Variants in TSPOAP1 observed in about 807,000 individuals in gnomAD.
The protein encoded by TSPOAP1 is TSPO associated protein 1.
Under a neutral mutation model 197.0 loss-of-function variants are expected in TSPOAP1, and 87 were observed. That is an observed-to-expected ratio of 0.44 (90% CI 0.37 to 0.53). The LOEUF (loss-of-function observed/expected upper bound fraction) is 0.53, where lower values mean the gene tolerates loss of function less well. TSPOAP1 is among the 20% of genes least tolerant of loss of function. The pLI, the probability that TSPOAP1 is intolerant of heterozygous loss-of-function variation, is 0.00. For synonymous variants in TSPOAP1, 913 were observed against 998.9 expected, an observed-to-expected ratio of 0.91 and a Z score of 1.62; for missense variants, 2,174 against 2,411.3, an observed-to-expected ratio of 0.90 and a Z score of 2.06.
Position 58,310,898 on chromosome 17 carries a change from C to A in TSPOAP1, c.3397G>T (p.Ala1133Ser), listed in dbSNP as rs767573882. The change falls in exon 19 of 32, where the codon GCA becomes TCA. Residue 1133 changes from alanine (A) to serine (S), a missense_variant. Around this residue, in one of 5 missense-constraint regions of TSPOAP1, gnomAD observed 1,933 missense variants for 2,139.0 expected, o/e 0.90. Coordinates refer to ENST00000343736, the MANE Select transcript of TSPOAP1 (RefSeq NM_004758.4). Reference sequence around the variant, plus strand: ...TTTGCCATCTCTCTGGAAGGGCTTGCAGGGGGTGCTCCTGGAGGCTCTTGA... The same window carrying A: ...TTTGCCATCTCTCTGGAAGGGCTTGAAGGGGGTGCTCCTGGAGGCTCTTGA... ...GTQEPPGAPPASPSREMAKGS... is the reference protein window; with the variant it reads ...GTQEPPGAPPSSPSREMAKGS... 6.5e-7 allele frequency: 1 copy of A among 1,544,674 alleles called. No individual in the cohort carries two copies. Among genetic ancestry groups the A allele is most frequent in the Admixed American group, 2.1e-5 (1 of 46,876 alleles).
Position 58,316,433 on chromosome 17 carries a change from T to C in TSPOAP1, c.1980A>G (p.Ala660=), listed in dbSNP as rs760526669. 18 of 1,612,818 alleles carry C rather than the reference T, an allele frequency of 1.1e-5. No homozygotes were observed. In the South Asian group the frequency reaches 1.5e-4, roughly 14 times the overall value. ...GAGGGTGAGGGACCCACCTATAACG[T>C]GCTAGGAAGACCTGGATCCTGGCTC... ...RGGARIQVFL[A]RYSYNPFEGP... is the part of the protein sequence containing the mutation. The change falls in exon 15 of 32, where the codon GCA becomes GCG. Residue 660 remains alanine, a synonymous_variant. Transcript: ENST00000343736.
rs562146059 is a variant in TSPOAP1 at position 58,319,247 on chromosome 17, C to A, written c.1542G>T (p.Gln514His). The A allele has an allele frequency of 6.2e-5, 99 of 1,599,362 alleles. 1 individual carries two copies. In the South Asian group the frequency reaches 1.1e-3, roughly 17 times the overall value. The change falls in exon 13 of 32, where the codon CAG becomes CAT. Residue 514 changes from glutamine to histidine, a missense_variant. Coordinates refer to ENST00000343736, the MANE Select transcript of TSPOAP1 (RefSeq NM_004758.4). The stretch of plus-strand genomic sequence containing the variant: ...GGAGTTCCTGTGCCAGGAGGCTGAA[C>A]TGCTCGGTTTGGCTGCGGCACTGTT... ...LEEQCRSQTE[Q>H]FSLLAQELQA...
Position 58,328,352 on chromosome 17 carries a change from G to C in TSPOAP1, c.-432C>G, listed in dbSNP as rs926452259. On this transcript the variant is annotated 5_prime_UTR_variant, in exon 1 of 32. Coordinates refer to ENST00000343736, the MANE Select transcript of TSPOAP1 (RefSeq NM_004758.4). This position sits in a 1 kb window ranked among gnomAD's most constrained non-coding sequence, Gnocchi z 4.3. The stretch of plus-strand genomic sequence containing the variant: ...GAGGGGGGTGGTGCTGTGTGTCACT[G>C]TCTGCCCATTTCAGAGTTGCCAGTT... 2 of 218,660 alleles carry C rather than the reference G, an allele frequency of 9.1e-6. No homozygotes were observed. Among genetic ancestry groups the C allele is most frequent in the African/African-American group, 4.5e-5 (2 of 44,128 alleles). 13.5% of individuals were successfully genotyped at this position (218,660 alleles called of 1,614,324 possible).
At chr17:58,325,825 C>T (rs1295811867) in intron 3 of TSPOAP1, 112 bp from the exon 4 acceptor site, 1 of 1,149,864 alleles carries the variant, frequency 8.7e-7, no homozygotes, top group Admixed American at 2.6e-5. Flanking sequence ...GGGTAGCCAC[C>T]TGCTTCCACC....
In TSPOAP1 at chr17:58,307,892, C is replaced by A. The variant is rs1286709045; in HGVS notation, c.4781G>T (p.Gly1594Val). ...GACTCGGACACCTCTCTTCTGGGGGCCCCTCCGCCCAGAGCCGTCCTGCCC... is the reference window on the plus strand; with the variant it reads ...GACTCGGACACCTCTCTTCTGGGGGACCCTCCGCCCAGAGCCGTCCTGCCC... ...ARGQDGSGRR[G>V]PQKRGVRVLR... The change falls in exon 23 of 32, where the codon GGC becomes GTC. Residue 1594 changes from glycine (G) to valine (V), a missense_variant. Physicochemically the swap from Gly to Val is moderately radical, Grantham distance 109. Transcript: ENST00000343736. 1 of 1,613,508 alleles carries A rather than the reference C, an allele frequency of 6.2e-7. No individual in the cohort carries two copies. The highest frequency in any genetic ancestry group is 1.3e-5 in the African/African-American group (1 of 75,056).
At chr17:58,319,493 G>A (rs1971336416) in intron 12 of TSPOAP1, among the ~76,000 whole-genome samples, 199 bp from the exon 13 acceptor site, 1 of 152,166 alleles carries the variant, frequency 6.6e-6, no homozygotes, top group South Asian at 2.1e-4. Context: ...CTGTGTCCTG[G>A]GACATCTTCA....
chr17:58,309,243 C>G lies in TSPOAP1; in HGVS notation c.4029G>C (p.Glu1343Asp). ...PEEEEEEEED[E>D]EEEKSGAGCS... Reference sequence around the variant, plus strand: ...AGCCTGCCCCTGACTTCTCCTCCTCCTCGTCCTCCTCTTCCTCTTCCTCCT... The same window carrying G: ...AGCCTGCCCCTGACTTCTCCTCCTCGTCGTCCTCCTCTTCCTCTTCCTCCT... The change falls in exon 22 of 32, where the codon GAG (glutamate) becomes GAC (aspartate). Residue 1343 changes from glutamate (E) to aspartate (D), a missense_variant. By Grantham distance (45) the Glu-to-Asp change is conservative. Transcript: ENST00000343736. This position sits in a 1 kb window ranked among gnomAD's most constrained non-coding sequence, Gnocchi z 5.0. 6.2e-7 allele frequency: 1 copy of G among 1,613,878 alleles called. No individual in the cohort carries two copies. Among genetic ancestry groups the G allele is most frequent in the Non-Finnish European group, 8.5e-7 (1 of 1,179,922 alleles).
chr17:58,317,479 C>T (rs931178980), intron 14 of TSPOAP1, among the ~76,000 whole-genome samples: 2 of 152,220 alleles, frequency 1.3e-5, no homozygotes, highest in African/African-American at 4.8e-5. Flanking sequence ...GCTGTCTTCT[C>T]TTCTCTGCCA....
chr17:58,312,204 A>T lies in TSPOAP1; in HGVS notation c.2617T>A (p.Cys873Ser). The change falls in exon 17 of 32, where the codon TGT (cysteine) becomes AGT (serine). Residue 873 changes from cysteine (C) to serine (S), a missense_variant. Cys to Ser is a moderately radical substitution (Grantham distance 112). Coordinates refer to ENST00000343736, the MANE Select transcript of TSPOAP1 (RefSeq NM_004758.4). ...TSRGSSDPLR[C>S]CLAVGARAGV... ...GCCCGGGCACCCACCGCCAAGCAAC[A>T]GCGCAGTGGGTCAGAGCTGCCCCGG... 3.1e-6 allele frequency: 5 copies of T among 1,612,922 alleles called. No individual in the cohort carries two copies. Among genetic ancestry groups the T allele is most frequent in the Non-Finnish European group, 4.2e-6 (5 of 1,179,926 alleles).
chr17:58,309,956 T>C lies in TSPOAP1; in HGVS notation c.3891+11A>G. 6.2e-7 allele frequency: 1 copy of C among 1,603,896 alleles called. No individual in the cohort carries two copies. The highest frequency in any genetic ancestry group is 8.5e-7 in the Non-Finnish European group (1 of 1,174,582). On this transcript the variant is annotated intron_variant, in intron 21 of 31. Coordinates refer to ENST00000343736, the MANE Select transcript of TSPOAP1 (RefSeq NM_004758.4). This position sits in a 1 kb window ranked among gnomAD's most constrained non-coding sequence, Gnocchi z 5.0. ...GGCCTGGGGCCCAACAGCCCATCCC[T>C]ACCCCGTTACCTTGGCCCCATTCTC...
chr17:58,322,824 A>C lies in TSPOAP1; in HGVS notation c.1195-48T>G. The C allele has an allele frequency of 6.2e-7, 1 of 1,608,742 alleles. No homozygotes were observed. Among genetic ancestry groups the C allele is most frequent in the Middle Eastern group, 1.7e-4 (1 of 5,980 alleles). On this transcript the variant is annotated intron_variant, in intron 8 of 31. Transcript: ENST00000343736. The surrounding 1 kb of genome is among the most constrained non-coding windows in gnomAD (Gnocchi z 5.0). ...GAGTTGGGTGGGTGAGCCTTGACCC[A>C]CCAGCACCCTCACAGGGGGAACAGT... is the stretch of plus-strand genomic sequence containing the variant.
rs1971539659 is a variant in TSPOAP1, at chr17:58,325,141, C to T, written c.751-139G>A. 3.9e-6 allele frequency: 3 copies of T among 776,734 alleles called. No homozygotes were observed. The East Asian group carries it at 8.2e-5, about 21-fold the overall frequency. 48.1% of individuals were successfully genotyped at this position (776,734 alleles called of 1,614,324 possible). On this transcript the variant is annotated intron_variant, in intron 4 of 31. Transcript: ENST00000343736. Reference sequence around the variant, plus strand: ...TGCACACCCTCCCATGGGTACATGCCTGGTTACATGTGCATGCGTATGTGG... The same window carrying T: ...TGCACACCCTCCCATGGGTACATGCTTGGTTACATGTGCATGCGTATGTGG...
chr17:58,318,194 G>C, intron 14 of TSPOAP1, 86 bp downstream of exon 14: 3 of 1,478,686 alleles, frequency 2.0e-6, no homozygotes, highest in African/African-American at 1.4e-5. Context: ...CCCAACTCCT[G>C]GGGACCCCAG....
chr17:58,323,397 C>A lies in TSPOAP1; in HGVS notation c.1021-16G>T, dbSNP rs1286936816. 1 of 1,614,124 alleles carries A rather than the reference C, an allele frequency of 6.2e-7. No homozygotes were observed. The highest frequency in any genetic ancestry group is 8.5e-7 in the Non-Finnish European group (1 of 1,180,042). ...GCTCCGATTCCTGAGGGGTCAGAACCAAGTGCTCCTCATGAGGGAAGGTAC... is the reference window on the plus strand; with the variant it reads ...GCTCCGATTCCTGAGGGGTCAGAACAAAGTGCTCCTCATGAGGGAAGGTAC... On this transcript the variant is annotated splice_polypyrimidine_tract_variant and intron_variant, in intron 6 of 31. Coordinates refer to ENST00000343736, the MANE Select transcript of TSPOAP1 (RefSeq NM_004758.4).
At chr17:58,312,824 T>C in intron 16 of TSPOAP1, 102 bp from the exon 17 acceptor site, 2 of 813,900 alleles carry the variant, frequency 2.5e-6, no homozygotes, top group Non-Finnish European at 3.8e-6. Flanking sequence ...TAGTGGGTGA[T>C]CTTCAGCATT....
In TSPOAP1 at chr17:58,312,730, G is replaced by T. The variant is rs576979000; in HGVS notation, c.2099-8C>A. ...GGCCATCCATGAGCTCTCCTGGCAG[G>T]AGGAGGACAGGAAGGGGCAGGGCAG... On this transcript the variant is annotated splice_region_variant and splice_polypyrimidine_tract_variant and intron_variant, in intron 16 of 31. Coordinates refer to ENST00000343736, the MANE Select transcript of TSPOAP1 (RefSeq NM_004758.4). 1.9e-6 allele frequency: 3 copies of T among 1,610,548 alleles called. No individual in the cohort carries two copies. In the African/African-American group the frequency reaches 4.0e-5, roughly 21 times the overall value.
intron 23 of TSPOAP1, 35 bp downstream of exon 23, chr17:58,307,807 G>T (rs772702086): frequency 6.8e-6 from 11 of 1,613,484 alleles, no homozygotes; most frequent in Admixed American, 1.7e-5. Flanking sequence ...AGCTCTGGCC[G>T]AGCAGCTCTA....
intron 25 of TSPOAP1, 178 bp from the exon 26 acceptor site, chr17:58,306,591 T>C: frequency 1.1e-6 from 1 of 895,038 alleles, no homozygotes; most frequent in Non-Finnish European, 1.7e-6. Flanking sequence ...CCTGGCTGCA[T>C]GGCTGTATTC....
At chr17:58,314,782 G>T (rs1971173131) in intron 16 of TSPOAP1, among the ~76,000 whole-genome samples, 1 of 152,236 alleles carries the variant, frequency 6.6e-6, no homozygotes, top group South Asian at 2.1e-4. Flanking sequence ...ACACTAAGAG[G>T]ATCTCCAGCC....
Sources: allele counts gnomAD v4.1 joint callset (sites outside exome capture counted in the v4.1 genomes callset), GRCh38; gene constraint gnomAD v4.1.1; regional missense constraint gnomAD v4.1.1; non-coding constraint Gnocchi (gnomAD v3.1); transcripts MANE v1.5; gene names NCBI Gene and HGNC (gene_info 2026-07-23, HGNC 2026-07-21).